The following LEF1 variants were observed in gnomAD, a reference collection of about 807,000 sequenced individuals.
LEF1 encodes the protein lymphoid enhancer-binding factor 1.
LEF1 carries 14 observed loss-of-function variants against 51.2 expected under a neutral mutation model. The observed-to-expected ratio is 0.27, with a 90% CI of 0.18 to 0.43. The LOEUF (loss-of-function observed/expected upper bound fraction) is 0.43, where lower values mean the gene tolerates loss of function less well. Ranked by LOEUF, LEF1 falls within the 20% of genes least tolerant of loss-of-function variation. The pLI is 1.00. For synonymous variants in LEF1, 185 were observed against 183.2 expected (o/e 1.01, Z -0.08); for missense variants, 386 against 512.0 (o/e 0.75, Z 2.37).
At position 108,163,695 on chromosome 4, in the gene LEF1, T is replaced by G. The variant is rs1222546909; in HGVS notation, c.287A>C (p.His96Pro). Reference sequence around the variant, plus strand: ...CTTGTTGTAGAGGCCTCCATCTGGATGCTTTCCTGGGAAGATCCAAAGAAC... The same window carrying G: ...CTTGTTGTAGAGGCCTCCATCTGGAGGCTTTCCTGGGAAGATCCAAAGAAC... ...KAREHPDDGK[H>P]PDGGLYNKGP... The change falls in exon 3 of 12, where the codon CAT (histidine) becomes CCT (proline). Residue 96 changes from histidine to proline, a missense_variant. By Grantham distance (77) the His-to-Pro change is moderately conservative. Transcript: ENST00000265165. The G allele has an allele frequency of 1.2e-6, 2 of 1,613,404 alleles. No homozygotes were observed. Among genetic ancestry groups the G allele is most frequent in the South Asian group, 2.2e-5 (2 of 90,968 alleles).
chr4:108,158,984 C>CT (rs556767756), intron 3 of LEF1, among the ~76,000 whole-genome samples: 85 of 148,096 alleles, frequency 5.7e-4, no homozygotes, highest in Admixed American at 7.4e-4. Flanking sequence ...AGTGTGTGGT[C>CT]TTTTTTTTTT....
chr4:108,094,019 G>T (rs140717970), intron 3 of LEF1, among the ~76,000 whole-genome samples: 3 of 152,284 alleles, frequency 2.0e-5, no homozygotes, highest in Middle Eastern at 3.4e-3. Context: ...TATTCTTGAA[G>T]GGTATGTGCT....
intron 3 of LEF1, chr4:108,104,771 C>T (rs1307195069): frequency 8.5e-6 from 6 of 709,874 alleles, no homozygotes; most frequent in Non-Finnish European, 1.0e-5. Context: ...CCTTGCCCCT[C>T]CCCTTCCAGG....
intron 3 of LEF1, among the ~76,000 whole-genome samples, chr4:108,135,266 A>T (rs1422161957): frequency 6.6e-6 from 1 of 152,214 alleles, no homozygotes; most frequent in Non-Finnish European, 1.5e-5. Context: ...GGGCCAGCTC[A>T]ATCTGAAGCA....
At chr4:108,097,587 T>C (rs1465465384) in intron 3 of LEF1, among the ~76,000 whole-genome samples, 1 of 152,214 alleles carries the variant, frequency 6.6e-6, no homozygotes, top group Non-Finnish European at 1.5e-5. Context: ...GGAATTGGAA[T>C]GTTCCTAACA....
intron 3 of LEF1, among the ~76,000 whole-genome samples, chr4:108,144,485 G>A (rs1221708321): frequency 1.3e-5 from 2 of 152,166 alleles, no homozygotes; most frequent in Non-Finnish European, 2.9e-5. Context: ...TCAATAATTG[G>A]ATGGTGCCCA....
At chr4:108,052,656 T>C (rs1372407065) in intron 11 of LEF1, among the ~76,000 whole-genome samples, 1 of 152,156 alleles carries the variant, frequency 6.6e-6, no homozygotes, top group East Asian at 1.9e-4. Context: ...AGTCTAATCC[T>C]GTTTTTTTAG....
chr4:108,064,539 A>G (rs959640569), intron 9 of LEF1, among the ~76,000 whole-genome samples, 155 bp from the exon 10 acceptor site: 1 of 152,174 alleles, frequency 6.6e-6, no homozygotes, highest in Non-Finnish European at 1.5e-5. Flanking sequence ...AAAGTCAGAA[A>G]GCAAGAGAAC....
intron 3 of LEF1, among the ~76,000 whole-genome samples, chr4:108,104,910 G>A (rs757008598): frequency 6.6e-6 from 1 of 152,128 alleles, no homozygotes; most frequent in Non-Finnish European, 1.5e-5. Flanking sequence ...ATTAGGGAAT[G>A]TGCAAGCCTC....
chr4:108,160,432 A>C (rs1744991691), intron 3 of LEF1, among the ~76,000 whole-genome samples: 1 of 152,168 alleles, frequency 6.6e-6, no homozygotes, highest in African/African-American at 2.4e-5. Flanking sequence ...GACCAACTCA[A>C]GCCAAAGTTT....
chr4:108,149,019 G>A (rs546548049), intron 3 of LEF1, among the ~76,000 whole-genome samples: 4 of 152,278 alleles, frequency 2.6e-5, no homozygotes, highest in South Asian at 4.1e-4. Flanking sequence ...GATCTTAATT[G>A]TGCAGGAGTA....
chr4:108,090,076 G>A (rs752222091), intron 3 of LEF1, among the ~76,000 whole-genome samples: 44 of 152,122 alleles, frequency 2.9e-4, no homozygotes, highest in Non-Finnish European at 4.9e-4. Context: ...CACCTTCCGG[G>A]TTCAAGTGAT....
chr4:108,102,447 CTT>C (rs1190479802), intron 3 of LEF1, among the ~76,000 whole-genome samples: 6 of 152,140 alleles, frequency 3.9e-5, no homozygotes. Flanking sequence ...ACTCCTGTGC[CTT>C]TGACCTGCCT....
chr4:108,096,184 G>C (rs967450292), intron 3 of LEF1, among the ~76,000 whole-genome samples: 1 of 152,128 alleles, frequency 6.6e-6, no homozygotes, highest in Admixed American at 6.5e-5. Flanking sequence ...CAAATAGAGG[G>C]ATGGGGCATA....
chr4:108,144,146 G>A (rs188844520), intron 3 of LEF1, among the ~76,000 whole-genome samples: 55 of 152,144 alleles, frequency 3.6e-4, no homozygotes, highest in African/African-American at 6.5e-4. Context: ...CATTCCAATC[G>A]CTTCACACAA....
At chr4:108,135,009 A>ATTT (rs1289189681) in intron 3 of LEF1, among the ~76,000 whole-genome samples, 3 of 152,236 alleles carry the variant, frequency 2.0e-5, no homozygotes, top group Non-Finnish European at 1.5e-5. Flanking sequence ...AGGTCCAAAA[A>ATTT]GACCCCAAAT....
At chr4:108,090,421 C>T (rs1472130163) in intron 3 of LEF1, among the ~76,000 whole-genome samples, 2 of 152,056 alleles carry the variant, frequency 1.3e-5, no homozygotes, top group Non-Finnish European at 2.9e-5. Flanking sequence ...TCTAATTGGA[C>T]TTCATCAATT....
chr4:108,106,757 T>G (rs749414), intron 3 of LEF1, among the ~76,000 whole-genome samples: 31,054 of 152,070 alleles, frequency 0.2, 4,634 homozygotes, highest in East Asian at 0.67. Flanking sequence ...ATACAAATTA[T>G]TTTTCCAAAA....
intron 3 of LEF1, among the ~76,000 whole-genome samples, chr4:108,101,295 C>A (rs1264777789): frequency 1.3e-5 from 2 of 152,180 alleles, no homozygotes; most frequent in African/African-American, 4.8e-5. Flanking sequence ...CAGCTTTCGA[C>A]ATGAGGCAGT....
Sources: gnomAD v4.1 joint callset for allele counts (sites outside exome capture counted in the v4.1 genomes callset) on GRCh38, gnomAD v4.1.1 for gene constraint, MANE v1.5 for transcripts, NCBI Gene and HGNC (gene_info 2026-07-23, HGNC 2026-07-21) for gene names.